The following ANKFY1 variants were observed in gnomAD, a reference collection of about 807,000 sequenced individuals.
ANKFY1 encodes the protein ankyrin repeat and FYVE domain containing 1.
Under a neutral mutation model 128.3 loss-of-function variants are expected in ANKFY1, and 47 were observed. The ratio of observed to expected loss-of-function variants is 0.37; its 90% CI spans 0.29 to 0.47. The LOEUF is 0.47. Among genes scored for constraint, ANKFY1 ranks in the 20% least tolerant of loss-of-function variants. ANKFY1 has a pLI of 1.00. For missense variants in ANKFY1, 1,222 were observed against 1,510.6 expected, an observed-to-expected ratio of 0.81 and a Z score of 3.17; for synonymous variants, 553 against 601.6, an observed-to-expected ratio of 0.92 and a Z score of 1.18.
chr17:4,233,118 C>A (rs2060542098), intron 3 of ANKFY1, among the ~76,000 whole-genome samples: 1 of 152,138 alleles, frequency 6.6e-6, no homozygotes, highest in Admixed American at 6.5e-5. Flanking sequence ...CTTCATGAGC[C>A]TCACAGCTAC....
rs2059200550 is a variant in ANKFY1 at position 4,165,723 on chromosome 17, T to C, written c.*2056A>G. The stretch of plus-strand genomic sequence containing the variant: ...TTGAATCAACATATTTGAAACATGA[T>C]CTTAAGATTCTGAGTGCAATGACAG... On this transcript the variant is annotated 3_prime_UTR_variant, in exon 25 of 25. Transcript: ENST00000341657. The C allele has an allele frequency of 6.6e-6, 1 of 152,200 alleles. No individual in the cohort carries two copies. The highest frequency in any genetic ancestry group is 6.5e-5 in the Admixed American group (1 of 15,274). 9.4% of individuals were successfully genotyped at this position (152,200 alleles called of 1,614,324 possible).
At chr17:4,261,831 CAGA>C (rs1187105322) in intron 1 of ANKFY1, among the ~76,000 whole-genome samples, 1 of 152,246 alleles carries the variant, frequency 6.6e-6, no homozygotes, top group Non-Finnish European at 1.5e-5. Flanking sequence ...CCTTACCTCA[CAGA>C]AGACCTTCCT....
At chr17:4,176,392 G>A (rs1196603049) in intron 19 of ANKFY1, among the ~76,000 whole-genome samples, 1 of 152,200 alleles carries the variant, frequency 6.6e-6, no homozygotes, top group Non-Finnish European at 1.5e-5. Context: ...ACCAGACGAT[G>A]AGGCCCTGTC....
chr17:4,256,666 A>G (rs1449257805), intron 1 of ANKFY1, among the ~76,000 whole-genome samples: 1 of 152,186 alleles, frequency 6.6e-6, no homozygotes, highest in Non-Finnish European at 1.5e-5. Context: ...AAAACCTGGT[A>G]TAACTAGAAA....
At chr17:4,196,980 G>A (rs567526032) in intron 8 of ANKFY1, among the ~76,000 whole-genome samples, 3 of 152,330 alleles carry the variant, frequency 2.0e-5, no homozygotes, top group South Asian at 2.1e-4. Flanking sequence ...TCAGCCAAGT[G>A]GGGTGGCGTG....
intron 1 of ANKFY1, among the ~76,000 whole-genome samples, chr17:4,258,397 C>T (rs1190285338): frequency 6.6e-6 from 1 of 151,822 alleles, no homozygotes; most frequent in Admixed American, 6.6e-5. Flanking sequence ...TGGTGGCGGG[C>T]GCCTGTAGTC....
chr17:4,257,706 C>T (rs545149732), intron 1 of ANKFY1, among the ~76,000 whole-genome samples: 2 of 152,346 alleles, frequency 1.3e-5, no homozygotes, highest in South Asian at 4.1e-4. Flanking sequence ...TTCTCATATA[C>T]AATTTCTTTT....
intron 17 of ANKFY1, chr17:4,179,291 A>C (rs868775820): frequency 1.7e-6 from 1 of 581,306 alleles, no homozygotes. Context: ...CATGTGTTTC[A>C]CATCTGCAGT....
At chr17:4,172,809 T>C in intron 21 of ANKFY1, 129 bp from the exon 22 acceptor site, 1 of 1,316,372 alleles carries the variant, frequency 7.6e-7, no homozygotes, top group Non-Finnish European at 1.0e-6. Flanking sequence ...CAAAAGTTTT[T>C]CTTTTTCTTA....
At chr17:4,209,708 G>T in intron 5 of ANKFY1, 116 bp downstream of exon 5, 1 of 1,172,332 alleles carries the variant, frequency 8.5e-7, no homozygotes, top group Non-Finnish European at 1.2e-6. Context: ...TTCTTCAATT[G>T]TGTAACAAGA....
chr17:4,169,095 T>C lies in ANKFY1; in HGVS notation c.3377+103A>G. The C allele has an allele frequency of 1.9e-6, 2 of 1,058,534 alleles. No individual in the cohort carries two copies. The highest frequency in any genetic ancestry group is 2.6e-5 in the East Asian group (1 of 37,952). The allele number at this position is 1,058,534 out of a possible 1,614,324, so 65.6% of individuals were successfully genotyped here. ...CATTTGGTCAAGGTTTGCCCATCAA[T>C]GTGCAGGACCCAGGCAAGTTCACGG... On this transcript the variant is annotated intron_variant, in intron 24 of 24. Transcript: ENST00000341657. This position sits in a 1 kb window ranked among gnomAD's most constrained non-coding sequence, Gnocchi z 5.0.
intron 21 of ANKFY1, 102 bp from the exon 22 acceptor site, chr17:4,172,782 A>G: frequency 6.9e-7 from 1 of 1,459,554 alleles, no homozygotes; most frequent in Non-Finnish European, 9.2e-7. Context: ...TAAATCTAAA[A>G]GACACAAAAC....
At chr17:4,202,525 C>T (rs1457324592) in intron 7 of ANKFY1, among the ~76,000 whole-genome samples, 13 of 149,886 alleles carry the variant, frequency 8.7e-5, no homozygotes, top group Non-Finnish European at 1.5e-5. Flanking sequence ...GGTGAAACCC[C>T]GTCTCTACTA....
chr17:4,237,506 T>C (rs752178774), intron 2 of ANKFY1, among the ~76,000 whole-genome samples: 9 of 152,180 alleles, frequency 5.9e-5, no homozygotes, highest in Non-Finnish European at 1.3e-4. Context: ...TTAAATTCTA[T>C]ATATATTTAT....
At chr17:4,183,648 C>A in intron 13 of ANKFY1, 97 bp from the exon 14 acceptor site, 1 of 1,500,030 alleles carries the variant, frequency 6.7e-7, no homozygotes, top group African/African-American at 1.4e-5. Context: ...TCAAAGCCAG[C>A]AGTTTTCCAC....
chr17:4,202,977 T>TAC (rs1461412762), intron 7 of ANKFY1, among the ~76,000 whole-genome samples: 268 of 105,198 alleles, frequency 2.5e-3, no homozygotes, highest in Non-Finnish European at 3.7e-3. Flanking sequence ...CTTATAATCA[T>TAC]ACACATATAT....
Position 4,174,179 on chromosome 17 carries a change from C to CT in ANKFY1, c.2776-124dup, listed in dbSNP as rs2059373421. ...CTGATGGCCTGCCCTGCTGACAGAG[C>CT]TGGGAGCATAGGAGCTTCACACACA... is the stretch of plus-strand genomic sequence containing the variant. On this transcript the variant is annotated intron_variant, in intron 19 of 24. Coordinates refer to ENST00000341657, the MANE Select transcript of ANKFY1 (RefSeq NM_001330063.2). The CT allele has an allele frequency of 8.3e-6, 10 of 1,210,100 alleles. No homozygotes were observed. In the Admixed American group the frequency reaches 1.5e-4, roughly 18 times the overall value. 75.0% of individuals were successfully genotyped at this position (1,210,100 alleles called of 1,614,324 possible).
chr17:4,211,431 A>G, intron 4 of ANKFY1, among the ~76,000 whole-genome samples: 1 of 151,906 alleles, frequency 6.6e-6, no homozygotes, highest in Non-Finnish European at 1.5e-5. Context: ...TAGCCAAATC[A>G]TAGTACACCC....
intron 16 of ANKFY1, among the ~76,000 whole-genome samples, chr17:4,180,614 A>C (rs529233927): frequency 2.0e-5 from 3 of 151,320 alleles, no homozygotes; most frequent in Admixed American, 6.6e-5. Context: ...ATACAAAAAA[A>C]AAATTAGCCG....
Sources: gnomAD v4.1 joint callset for allele counts (sites outside exome capture counted in the v4.1 genomes callset) on GRCh38, gnomAD v4.1.1 for gene constraint, Gnocchi (gnomAD v3.1) non-coding constraint, MANE v1.5 for transcripts, NCBI Gene and HGNC (gene_info 2026-07-23, HGNC 2026-07-21) for gene names.